Variants in SEMA6C observed in about 807,000 individuals in gnomAD.
The protein encoded by SEMA6C is semaphorin-6C.
Under a neutral mutation model 72.9 loss-of-function variants are expected in SEMA6C, and 37 were observed. The observed-to-expected ratio is 0.51, with a 90% CI of 0.39 to 0.67. SEMA6C has a LOEUF of 0.67. Among genes scored for constraint, SEMA6C ranks in the 30% least tolerant of loss-of-function variants. SEMA6C has a pLI of 0.00. For missense variants in SEMA6C, 1,189 were observed against 1,263.6 expected, an observed-to-expected ratio of 0.94 and a Z score of 0.89; for synonymous variants, 578 against 554.1, an observed-to-expected ratio of 1.04 and a Z score of -0.61.
Position 151,132,513 on chromosome 1 carries a change from C to CGGCCTGGCGGGAGGAG in SEMA6C, c.2748_2763dup (p.Val922LeufsTer111). On this transcript the variant is annotated frameshift_variant, in exon 19 of 19. Coordinates refer to ENST00000368914, the MANE Select transcript of SEMA6C (RefSeq NM_030913.6). LOFTEE classifies it high-confidence loss of function. The stretch of plus-strand genomic sequence containing the variant: ...AAGTTGAAACGGCCGCCGTTCGGGA[C>CGGCCTGGCGGGAGGAG]GGCCTGGCGGGAGGAGGGCCCGACG... 6.5e-7 allele frequency: 1 copy of CGGCCTGGCGGGAGGAG among 1,549,850 alleles called. No individual in the cohort carries two copies. Among genetic ancestry groups the CGGCCTGGCGGGAGGAG allele is most frequent in the Non-Finnish European group, 8.7e-7 (1 of 1,146,576 alleles).
intron 6 of SEMA6C, 88 bp downstream of exon 6, chr1:151,139,337 A>C (rs1291953593): frequency 4.6e-6 from 5 of 1,093,732 alleles, no homozygotes; most frequent in Middle Eastern, 2.0e-4. Flanking sequence ...AGTGTGAAGG[A>C]AATTGGGCAT....
rs2101599974 is a variant in SEMA6C at position 151,132,005 on chromosome 1, C to T, written c.*479G>A. 8 of 330,610 alleles carry T rather than the reference C, an allele frequency of 2.4e-5. No homozygotes were observed. Among genetic ancestry groups the T allele is most frequent in the Non-Finnish European group, 4.6e-5 (8 of 173,800 alleles). The allele number at this position is 330,610 out of a possible 1,614,324, so 20.5% of individuals were successfully genotyped here. A position where few individuals can be genotyped will look rare whatever the true frequency, so the allele number is the denominator to read the frequency against. ...AGGCAGAGAGCGAGGGCGCCCAGAG[C>T]GAGCCGACCGACTGCCGCCCTCCCC... On this transcript the variant is annotated 3_prime_UTR_variant, in exon 19 of 19. Coordinates refer to ENST00000368914, the MANE Select transcript of SEMA6C (RefSeq NM_030913.6).
intron 17 of SEMA6C, 25 bp downstream of exon 17, chr1:151,134,595 A>C: frequency 6.2e-7 from 1 of 1,614,082 alleles, no homozygotes; most frequent in Non-Finnish European, 8.5e-7. Flanking sequence ...CTTTGGCTGC[A>C]ACAGCAGCTG....
chr1:151,133,830 C>CG lies in SEMA6C; in HGVS notation c.1760-314_1760-313insC. 1 of 950,984 alleles carries CG rather than the reference C, an allele frequency of 1.1e-6. No individual in the cohort carries two copies. Among genetic ancestry groups the CG allele is most frequent in the Non-Finnish European group, 1.6e-6 (1 of 635,628 alleles). 58.9% of individuals were successfully genotyped at this position (950,984 alleles called of 1,614,324 possible). On this transcript the variant is annotated intron_variant, in intron 18 of 18. Transcript: ENST00000368914. This position sits in a 1 kb window ranked among gnomAD's most constrained non-coding sequence, Gnocchi z 5.9. Reference sequence around the variant, plus strand: ...CAGGAGAACTCGGGGCTGGGATGCCCAATTCTGGGGAAGGGAGGCTCCAAA... The same window carrying CG: ...CAGGAGAACTCGGGGCTGGGATGCCCGAATTCTGGGGAAGGGAGGCTCCAAA...
At position 151,137,971 on chromosome 1, in the gene SEMA6C, C is replaced by T. The variant is rs992453054; in HGVS notation, c.667+15G>A. On this transcript the variant is annotated intron_variant, in intron 9 of 18. Coordinates refer to ENST00000368914, the MANE Select transcript of SEMA6C (RefSeq NM_030913.6). ...CTCCCCAATAACAGTCTCCTTTCCC[C>T]AGGCCCGCCCTGACCTCGGAGCCAC... The T allele has an allele frequency of 6.2e-7, 1 of 1,611,140 alleles. No homozygotes were observed. Among genetic ancestry groups the T allele is most frequent in the Non-Finnish European group, 8.5e-7 (1 of 1,178,350 alleles).
chr1:151,135,933 G>T, intron 13 of SEMA6C, 78 bp downstream of exon 13: 1 of 1,590,820 alleles, frequency 6.3e-7, no homozygotes, highest in East Asian at 2.2e-5. Flanking sequence ...CACCAATGCG[G>T]TTTACCTTGT....
intron 4 of SEMA6C, 26 bp downstream of exon 4, chr1:151,139,950 C>G: frequency 6.2e-7 from 1 of 1,605,230 alleles, no homozygotes; most frequent in Non-Finnish European, 8.5e-7. Flanking sequence ...CATGTCTGCC[C>G]CACAACTGTG....
chr1:151,139,953 C>T (rs1307662660), intron 4 of SEMA6C, 23 bp downstream of exon 4: 1 of 1,605,296 alleles, frequency 6.2e-7, no homozygotes, highest in Non-Finnish European at 8.5e-7. Flanking sequence ...GTCTGCCCCA[C>T]AACTGTGCCA....
intron 15 of SEMA6C, 82 bp downstream of exon 15, chr1:151,135,081 C>T: frequency 6.4e-7 from 1 of 1,566,664 alleles, no homozygotes; most frequent in East Asian, 2.2e-5. Flanking sequence ...TGTTTTCCTG[C>T]CACCCCAAAG....
At position 151,132,694 on chromosome 1, in the gene SEMA6C, A is replaced by AG; in HGVS notation, c.2582dup (p.Ala862CysfsTer166). 1.4e-5 allele frequency: 21 copies of AG among 1,502,726 alleles called. 1 individual carries two copies. The Admixed American group carries it at 2.2e-4, about 16-fold the overall frequency. The allele number at this position is 1,502,726 out of a possible 1,614,324, so 93.1% of individuals were successfully genotyped here. On this transcript the variant is annotated frameshift_variant, in exon 19 of 19. Transcript: ENST00000368914. LOFTEE classifies it low-confidence loss of function (END_TRUNC). ...CCGAGGGGACTCGAGTGAGCAGGGCAGGGGGGGCCCGGTGGCCGGAGAAAG... is the reference window on the plus strand; with the variant it reads ...CCGAGGGGACTCGAGTGAGCAGGGCAGGGGGGGGCCCGGTGGCCGGAGAAAG...
At position 151,134,779 on chromosome 1, in the gene SEMA6C, C is replaced by T; in HGVS notation, c.1658+19G>A. The T allele has an allele frequency of 6.2e-7, 1 of 1,613,740 alleles. No individual in the cohort carries two copies. The highest frequency in any genetic ancestry group is 2.2e-5 in the East Asian group (1 of 44,886). ...GTGGGGAATTTTATGCTCAGGAAAC[C>T]CAAGGACCCATCACTTACCCACCAG... On this transcript the variant is annotated intron_variant, in intron 16 of 18. Transcript: ENST00000368914.
At chr1:151,137,662 G>A in intron 10 of SEMA6C, 49 bp downstream of exon 10, 1 of 1,494,832 alleles carries the variant, frequency 6.7e-7, no homozygotes, top group Non-Finnish European at 9.2e-7. Flanking sequence ...TGGCTCCTCA[G>A]GATCCAGCAG....
chr1:151,134,236 C>G, intron 18 of SEMA6C, 165 bp downstream of exon 18: 2 of 779,426 alleles, frequency 2.6e-6, no homozygotes, highest in South Asian at 3.3e-5. Context: ...AAAAAGTACC[C>G]TACTGTGTGC....
chr1:151,135,675 A>C lies in SEMA6C; in HGVS notation c.1349T>G (p.Val450Gly). The change falls in exon 14 of 19, where the codon GTG becomes GGG. Residue 450 changes from valine to glycine, a missense_variant. By Grantham distance (109) the Val-to-Gly change is moderately radical. Coordinates refer to ENST00000368914, the MANE Select transcript of SEMA6C (RefSeq NM_030913.6). ...VMFLGSNDGT[V>G]LKVLTPGGRS... Reference sequence around the variant, plus strand: ...CCCACCTGGGGTCAGCACCTTCAGCACTGTCCCATCATTGGAGCCAAGGAA... The same window carrying C: ...CCCACCTGGGGTCAGCACCTTCAGCCCTGTCCCATCATTGGAGCCAAGGAA... 1 of 1,614,184 alleles carries C rather than the reference A, an allele frequency of 6.2e-7. No individual in the cohort carries two copies. The highest frequency in any genetic ancestry group is 1.1e-5 in the South Asian group (1 of 91,088).
Position 151,133,159 on chromosome 1 carries a change from C to T in SEMA6C, c.2118G>A (p.Glu706=). The T allele has an allele frequency of 6.4e-7, 1 of 1,552,152 alleles. No homozygotes were observed. Among genetic ancestry groups the T allele is most frequent in the Non-Finnish European group, 8.6e-7 (1 of 1,162,348 alleles). ...CGGCGCGGAGGTGCTTGACCGGCAG[C>T]TCCGGCGTGGACTCGGGGGTGGGCA... ...ACLPTPESTP[E]LPVKHLRAAG... The change falls in exon 19 of 19, where the codon GAG becomes GAA. Residue 706 remains glutamate, a synonymous_variant. Transcript: ENST00000368914. This position sits in a 1 kb window ranked among gnomAD's most constrained non-coding sequence, Gnocchi z 5.9.
chr1:151,136,716 TAGG>T, intron 11 of SEMA6C, 137 bp from the exon 12 acceptor site: 2 of 1,359,128 alleles, frequency 1.5e-6, no homozygotes, highest in Admixed American at 3.9e-5. Context: ...GGTGCCACAC[TAGG>T]AGAAAAAATG....
Position 151,136,575 on chromosome 1 carries a change from G to C in SEMA6C, c.979C>G (p.Pro327Ala). Residue 327 changes from proline (P) to alanine (A), a missense_variant, in exon 12 of 19, where the codon CCT becomes GCT. Coordinates refer to ENST00000368914, the MANE Select transcript of SEMA6C (RefSeq NM_030913.6). Reference sequence around the variant, plus strand: ...TAGAAGGCGCAGACGGCAGAGCCAGGGATGCTGGAGGAGCCAGAAAAGATG... The same window carrying C: ...TAGAAGGCGCAGACGGCAGAGCCAGCGATGCTGGAGGAGCCAGAAAAGATG... The part of the protein sequence containing the change: ...GVFTTQTNSI[P>A]GSAVCAFYLD... 1.9e-6 allele frequency: 3 copies of C among 1,613,936 alleles called. No homozygotes were observed. Among genetic ancestry groups the C allele is most frequent in the Non-Finnish European group, 1.7e-6 (2 of 1,179,964 alleles).
intron 5 of SEMA6C, 32 bp downstream of exon 5, chr1:151,139,603 TCCA>T (rs1682359999): frequency 6.2e-7 from 1 of 1,607,164 alleles, no homozygotes; most frequent in Non-Finnish European, 8.5e-7. Context: ...CAGCCTCATC[TCCA>T]CGTCTGCACC....
At chr1:151,141,119 A>G (rs1225898081) in intron 3 of SEMA6C, among the ~76,000 whole-genome samples, 1 of 152,158 alleles carries the variant, frequency 6.6e-6, no homozygotes, top group African/African-American at 2.4e-5. Flanking sequence ...CTATCCTTAA[A>G]ATTACTCTAA....
Sources: allele counts gnomAD v4.1 joint callset (sites outside exome capture counted in the v4.1 genomes callset), GRCh38; gene constraint gnomAD v4.1.1; non-coding constraint Gnocchi (gnomAD v3.1); transcripts MANE v1.5; gene names NCBI Gene and HGNC (gene_info 2026-07-23, HGNC 2026-07-21).